Variants in TMEM163 observed in about 807,000 individuals in gnomAD.
TMEM163 encodes the protein transmembrane protein 163.
A neutral mutation model predicts 29.3 loss-of-function variants in TMEM163; 17 were observed. That is an observed-to-expected ratio of 0.58 (90% CI 0.40 to 0.87). The LOEUF is 0.87. TMEM163 is among the 40% of genes least tolerant of loss of function. The pLI is 0.00. For synonymous variants in TMEM163, 157 were observed against 160.6 expected, an observed-to-expected ratio of 0.98 and a Z score of 0.17; for missense variants, 303 against 381.5, an observed-to-expected ratio of 0.79 and a Z score of 1.71.
intron 2 of TMEM163, among the ~76,000 whole-genome samples, chr2:134,688,422 A>G (rs894906516): frequency 6.6e-6 from 1 of 152,192 alleles, no homozygotes; most frequent in African/African-American, 2.4e-5. Context: ...TAATCGACCT[A>G]TGACAAATTA....
intron 2 of TMEM163, among the ~76,000 whole-genome samples, chr2:134,627,280 T>G (rs575845547): frequency 6.6e-6 from 1 of 152,296 alleles, no homozygotes; most frequent in Admixed American, 6.5e-5. Context: ...CCCTTATATA[T>G]GTACTTTAGA....
intron 2 of TMEM163, among the ~76,000 whole-genome samples, chr2:134,696,907 C>T (rs1050424947): frequency 1.3e-5 from 2 of 152,110 alleles, no homozygotes; most frequent in African/African-American, 4.8e-5. Flanking sequence ...CCCCGAGTAG[C>T]TGGGATTACA....
At position 134,599,654 on chromosome 2, in the gene TMEM163, TAAAAC is replaced by T. The variant is rs141515692; in HGVS notation, c.323-47568_323-47564del. Among the ~76,000 whole-genome samples, 755 of 151,556 alleles carry T rather than the reference TAAAAC, an allele frequency of 5.0e-3. 8 individuals carry two copies. Among genetic ancestry groups the T allele is most frequent in the African/African-American group, 0.018 (723 of 41,314 alleles). On this transcript the variant is annotated intron_variant, in intron 2 of 7. Transcript: ENST00000281924. ...CTGAGCAAGACCCGAGACACAAACT[TAAAAC>T]AAACACTGAAGATAGCTATGTTCCC...
At chr2:134,656,538 G>C (rs61314604) in intron 2 of TMEM163, among the ~76,000 whole-genome samples, 6 of 151,704 alleles carry the variant, frequency 4.0e-5, no homozygotes, top group Non-Finnish European at 5.9e-5. Flanking sequence ...GCTGTAGACC[G>C]GAGCTGTTCC....
At chr2:134,702,629 A>G (rs939276442) in intron 2 of TMEM163, among the ~76,000 whole-genome samples, 5 of 152,210 alleles carry the variant, frequency 3.3e-5, no homozygotes, top group Admixed American at 3.3e-4. Flanking sequence ...TGGGTGGCAG[A>G]GAGAGATCCT....
At chr2:134,524,038 A>G (rs568031385) in intron 4 of TMEM163, among the ~76,000 whole-genome samples, 1 of 152,352 alleles carries the variant, frequency 6.6e-6, no homozygotes, top group Admixed American at 6.5e-5. Flanking sequence ...TTCTACTCCA[A>G]TATTTTAGAG....
At chr2:134,563,982 C>T (rs547178085) in intron 2 of TMEM163, among the ~76,000 whole-genome samples, 13 of 152,112 alleles carry the variant, frequency 8.5e-5, no homozygotes, top group Admixed American at 3.9e-4. Context: ...AACCCGGAGG[C>T]GGAGGTTGCA....
chr2:134,626,094 C>CTTTTTTTTT (rs146008537), intron 2 of TMEM163, among the ~76,000 whole-genome samples: 1 of 66,256 alleles, frequency 1.5e-5, no homozygotes, highest in Non-Finnish European at 2.9e-5. Context: ...ACTTTTCCAG[C>CTTTTTTTTT]TTTTTTTTTT....
At chr2:134,511,730 G>T (rs1330703372) in intron 4 of TMEM163, among the ~76,000 whole-genome samples, 5 of 152,176 alleles carry the variant, frequency 3.3e-5, no homozygotes, top group African/African-American at 9.7e-5. Context: ...GTACTCTCAG[G>T]GTAAACCTGC....
chr2:134,698,869 G>A (rs537050524), intron 2 of TMEM163, among the ~76,000 whole-genome samples: 6 of 152,214 alleles, frequency 3.9e-5, no homozygotes, highest in South Asian at 2.1e-4. Flanking sequence ...ATGAGAATTC[G>A]CTTGCATATG....
At chr2:134,496,563 A>G (rs1679566195) in intron 5 of TMEM163, among the ~76,000 whole-genome samples, 1 of 152,132 alleles carries the variant, frequency 6.6e-6, no homozygotes, top group African/African-American at 2.4e-5. Context: ...CCAGAGCCAC[A>G]ATCCATGGGG....
At chr2:134,559,576 G>A (rs1017418943) in intron 2 of TMEM163, among the ~76,000 whole-genome samples, 18 of 152,216 alleles carry the variant, frequency 1.2e-4, no homozygotes, top group South Asian at 4.2e-4. Flanking sequence ...GAGAGCAAGT[G>A]TTTGTTAGGA....
intron 5 of TMEM163, among the ~76,000 whole-genome samples, chr2:134,471,522 G>A (rs1335157512): frequency 6.6e-6 from 1 of 152,198 alleles, no homozygotes; most frequent in African/African-American, 2.4e-5. Context: ...CCAGAACTGT[G>A]AAGATGAAAT....
intron 5 of TMEM163, among the ~76,000 whole-genome samples, chr2:134,480,127 T>G (rs1687014810): frequency 6.6e-6 from 1 of 152,142 alleles, no homozygotes; most frequent in Admixed American, 6.5e-5. Context: ...CTTTTCCAGC[T>G]CCTTGCAGAA....
rs754705433 is a variant in TMEM163 at position 134,456,669 on chromosome 2, T to C, written c.*47A>G. The C allele has an allele frequency of 5.0e-6, 8 of 1,605,948 alleles. No homozygotes were observed. Among genetic ancestry groups the C allele is most frequent in the Non-Finnish European group, 6.8e-6 (8 of 1,174,070 alleles). On this transcript the variant is annotated 3_prime_UTR_variant, in exon 8 of 8. Transcript: ENST00000281924. ...GTTAAATATTGGCACCCTTTGCCTA[T>C]GTGGAAACTCCTCATCTCGATGGTC...
intron 4 of TMEM163, among the ~76,000 whole-genome samples, chr2:134,533,547 G>A (rs1377230018): frequency 2.6e-5 from 4 of 152,140 alleles, no homozygotes; most frequent in Non-Finnish European, 5.9e-5. Context: ...ATGTGCCACT[G>A]TTACAAATCA....
chr2:134,523,284 C>T (rs1680225722), intron 4 of TMEM163, among the ~76,000 whole-genome samples: 1 of 152,086 alleles, frequency 6.6e-6, no homozygotes, highest in Non-Finnish European at 1.5e-5. Flanking sequence ...TGAACTGCGA[C>T]AACACCACAG....
At chr2:134,658,594 A>T (rs753825742) in intron 2 of TMEM163, among the ~76,000 whole-genome samples, 13 of 149,694 alleles carry the variant, frequency 8.7e-5, no homozygotes, top group Non-Finnish European at 1.9e-4. Context: ...TTTTCTCTGA[A>T]ATATATATAT....
chr2:134,592,100 G>T (rs1681948526), intron 2 of TMEM163, among the ~76,000 whole-genome samples: 1 of 152,178 alleles, frequency 6.6e-6, no homozygotes, highest in Admixed American at 6.5e-5. Context: ...AAGATTTTTG[G>T]ATTGGCAACT....
Sources: allele counts gnomAD v4.1 joint callset (sites outside exome capture counted in the v4.1 genomes callset), GRCh38; gene constraint gnomAD v4.1.1; transcripts MANE v1.5; gene names NCBI Gene and HGNC (gene_info 2026-07-23, HGNC 2026-07-21).